USP18: variants seen among roughly 807,000 people sequenced by gnomAD.
The protein encoded by USP18 is ubl carboxyl-terminal hydrolase 18.
USP18 carries 11 observed loss-of-function variants against 48.7 expected under a neutral mutation model. The ratio of observed to expected loss-of-function variants is 0.23; its 90% CI spans 0.14 to 0.37. The LOEUF (loss-of-function observed/expected upper bound fraction) is 0.37, where lower values mean the gene tolerates loss of function less well. Among genes scored for constraint, USP18 ranks in the 10% least tolerant of loss-of-function variants. USP18 has a pLI of 1.00. For synonymous variants in USP18, 114 were observed against 163.2 expected (o/e 0.70, Z 2.30); for missense variants, 285 against 436.4 (o/e 0.65, Z 3.09).
intron 10 of USP18, among the ~76,000 whole-genome samples, chr22:18,174,681 T>C (rs576272939): frequency 3.9e-4 from 59 of 151,902 alleles, no homozygotes; most frequent in Admixed American, 1.6e-3. Flanking sequence ...CTTGAACTCC[T>C]GGGCACAGGT....
At chr22:18,165,806 G>T (rs1206005441) in intron 4 of USP18, among the ~76,000 whole-genome samples, 1 of 148,890 alleles carries the variant, frequency 6.7e-6, no homozygotes, top group Non-Finnish European at 1.5e-5. Flanking sequence ...GAGAAAGCAT[G>T]CCCACTCGGC....
intron 10 of USP18, among the ~76,000 whole-genome samples, chr22:18,174,573 C>T (rs1929731119): frequency 2.0e-5 from 3 of 151,970 alleles, no homozygotes; most frequent in South Asian, 2.1e-4. Context: ...TCTTTTACAG[C>T]GAAGATCTTT....
intron 2 of USP18, among the ~76,000 whole-genome samples, chr22:18,158,080 G>A (rs1827840333): frequency 6.6e-6 from 1 of 152,164 alleles, no homozygotes; most frequent in Non-Finnish European, 1.5e-5. Context: ...ATGAGGTCGG[G>A]AGTTTAAGAC....
At chr22:18,168,438 C>T (rs1193542966) in intron 6 of USP18, among the ~76,000 whole-genome samples, 1 of 151,012 alleles carries the variant, frequency 6.6e-6, no homozygotes, top group African/African-American at 2.4e-5. Flanking sequence ...CCTCTGTTGC[C>T]CAGACTGAAG....
chr22:18,167,177 A>C (rs1929497977), intron 4 of USP18, 78 bp from the exon 5 acceptor site: 1 of 1,513,608 alleles, frequency 6.6e-7, no homozygotes, highest in Non-Finnish European at 9.0e-7. Context: ...ATGAGTGTTC[A>C]TGTGTGTCTA....
At position 18,157,707 on chromosome 22, in the gene USP18, T is replaced by A. The variant is rs1288146834; in HGVS notation, c.44T>A (p.Ile15Asn). 6.2e-7 allele frequency: 1 copy of A among 1,613,986 alleles called. No homozygotes were observed. Among genetic ancestry groups the A allele is most frequent in the East Asian group, 2.2e-5 (1 of 44,860 alleles). The change falls in exon 2 of 11, where the codon ATC becomes AAC. Residue 15 changes from isoleucine (I) to asparagine (N), a missense_variant. By Grantham distance (149) the Ile-to-Asn change is moderately radical. Transcript: ENST00000215794. ...CTCCTGAGGCAAATCTGTCAGTCCA[T>A]CCTGGCTGAGTCCTCGCAGTCCCCG... ...FGLLRQICQS[I>N]LAESSQSPAD...
chr22:18,174,000 C>A (rs778983540), intron 10 of USP18, among the ~76,000 whole-genome samples, 158 bp downstream of exon 10: 2 of 152,092 alleles, frequency 1.3e-5, no homozygotes, highest in East Asian at 1.9e-4. Flanking sequence ...TTGCCTCACA[C>A]GTCACACTCC....
intron 4 of USP18, among the ~76,000 whole-genome samples, chr22:18,162,142 C>A (rs1191250663): frequency 1.3e-5 from 2 of 152,190 alleles, no homozygotes; most frequent in Non-Finnish European, 2.9e-5. Context: ...TACTTCCATA[C>A]CTAACCTTTC....
At chr22:18,172,220 T>C (rs1391013760) in intron 8 of USP18, among the ~76,000 whole-genome samples, 2 of 152,256 alleles carry the variant, frequency 1.3e-5, no homozygotes, top group Non-Finnish European at 2.9e-5. Flanking sequence ...ATGGCAGGTC[T>C]TGCTTTTCCT....
chr22:18,173,086 T>G, intron 8 of USP18, 64 bp from the exon 9 acceptor site: 1 of 1,605,334 alleles, frequency 6.2e-7, no homozygotes, highest in Non-Finnish European at 8.5e-7. Flanking sequence ...TGGGCAGGTA[T>G]AAATGTGTGA....
In USP18 at chr22:18,161,178, G is replaced by GA. The variant is rs771085332; in HGVS notation, c.255-610dup. On this transcript the variant is annotated intron_variant, in intron 3 of 10. Transcript: ENST00000215794. ...GAGTTGGGACTAGACCAAAGTCGGA[G>GA]AAGGAGTAAGTCAGTGGGGAGTACA... Among the ~76,000 whole-genome samples the GA allele has an allele frequency of 1.0e-3, 156 of 151,408 alleles. 1 individual carries two copies. The highest frequency in any genetic ancestry group is 1.6e-3 in the Non-Finnish European group (111 of 67,888).
At chr22:18,156,703 A>T (rs1211129988) in intron 1 of USP18, among the ~76,000 whole-genome samples, 1 of 152,220 alleles carries the variant, frequency 6.6e-6, no homozygotes, top group Non-Finnish European at 1.5e-5. Flanking sequence ...TTCACTCCTG[A>T]GCTAGCGAGA....
intron 1 of USP18, among the ~76,000 whole-genome samples, chr22:18,157,120 C>T (rs1929179290): frequency 6.6e-6 from 1 of 152,242 alleles, no homozygotes; most frequent in Admixed American, 6.5e-5. Flanking sequence ...CTGCAGCTGG[C>T]CGGCAGTGTT....
chr22:18,168,403 C>G (rs202164569), intron 6 of USP18, among the ~76,000 whole-genome samples: 13 of 133,242 alleles, frequency 9.8e-5, no homozygotes, highest in East Asian at 2.0e-4. Flanking sequence ...CCTCCCCCCC[C>G]CCTTTTTTTT....
At chr22:18,159,095 G>A (rs906904616) in intron 2 of USP18, among the ~76,000 whole-genome samples, 3 of 151,936 alleles carry the variant, frequency 2.0e-5, no homozygotes, top group African/African-American at 2.4e-5. Flanking sequence ...TTGCTTTGTC[G>A]CCTAGGCTGG....
At chr22:18,156,372 C>T (rs1195113710) in intron 1 of USP18, among the ~76,000 whole-genome samples, 2 of 152,202 alleles carry the variant, frequency 1.3e-5, no homozygotes, top group Non-Finnish European at 2.9e-5. Flanking sequence ...GGTCAGGTTT[C>T]CTTCCATGCT....
intron 4 of USP18, among the ~76,000 whole-genome samples, chr22:18,163,353 C>A (rs957444374): frequency 6.6e-6 from 1 of 152,084 alleles, no homozygotes; most frequent in African/African-American, 2.4e-5. Flanking sequence ...AAGAAAAATA[C>A]CTCTCCCAGG....
rs146833618 is a variant in USP18 at position 18,169,849 on chromosome 22, C to T, written c.633C>T (p.Asp211=). 1.8e-4 allele frequency: 291 copies of T among 1,591,914 alleles called. No homozygotes were observed. The African/African-American group carries it at 2.0e-3, about 11-fold the overall frequency. ...TGTTCTCTTGGGTGGGACAGGAGGACGCCCTGCACTGCTTCTTCCAGCCCA... is the reference window on the plus strand; with the variant it reads ...TGTTCTCTTGGGTGGGACAGGAGGATGCCCTGCACTGCTTCTTCCAGCCCA... ...VDSKPLKTLE[D]ALHCFFQPRE... is the part of the protein sequence containing the mutation. Residue 211 remains aspartate (D), a synonymous_variant, in exon 7 of 11, where the codon GAC becomes GAT. Transcript: ENST00000215794.
At chr22:18,155,997 T>C (rs1213135787) in intron 1 of USP18, among the ~76,000 whole-genome samples, 1 of 152,244 alleles carries the variant, frequency 6.6e-6, no homozygotes, top group East Asian at 1.9e-4. Flanking sequence ...GCTAAGGGAT[T>C]GTAAATATAC....
Sources: gnomAD v4.1 joint callset for allele counts (sites outside exome capture counted in the v4.1 genomes callset) on GRCh38, gnomAD v4.1.1 for gene constraint, MANE v1.5 for transcripts, NCBI Gene and HGNC (gene_info 2026-07-23, HGNC 2026-07-21) for gene names.